Variants in ZNF804A observed in about 807,000 individuals in gnomAD.
The protein encoded by ZNF804A is zinc finger protein 804A.
Under a neutral mutation model 16.5 loss-of-function variants are expected in ZNF804A, and 2 were observed. That is an observed-to-expected ratio of 0.12 (90% CI 0.05 to 0.38). The LOEUF (loss-of-function observed/expected upper bound fraction) is 0.38, where lower values mean the gene tolerates loss of function less well. Ranked by LOEUF, ZNF804A falls within the 10% of genes least tolerant of loss-of-function variation. ZNF804A has a pLI of 0.99. For synonymous variants in ZNF804A, 534 were observed against 489.6 expected, an observed-to-expected ratio of 1.09 and a Z score of -1.20; for missense variants, 1,473 against 1,390.7, an observed-to-expected ratio of 1.06 and a Z score of -0.94.
chr2:184,605,310 T>C (rs1388687952), intron 1 of ZNF804A, among the ~76,000 whole-genome samples: 1 of 152,148 alleles, frequency 6.6e-6, no homozygotes, highest in Non-Finnish European at 1.5e-5. Context: ...ATTTTTATAT[T>C]GCTAACCACA....
intron 1 of ZNF804A, among the ~76,000 whole-genome samples, chr2:184,807,200 A>G (rs563328023): frequency 2.0e-5 from 3 of 151,922 alleles, no homozygotes; most frequent in Non-Finnish European, 4.4e-5. Flanking sequence ...CTGTAAAAAT[A>G]GAATGCTAGA....
At chr2:184,612,420 A>G (rs968332066) in intron 1 of ZNF804A, among the ~76,000 whole-genome samples, 11 of 151,658 alleles carry the variant, frequency 7.3e-5, no homozygotes, top group Non-Finnish European at 1.6e-4. Flanking sequence ...TTATTGGTTC[A>G]ACATGAAAGA....
At chr2:184,919,947 T>C (rs976329491) in intron 2 of ZNF804A, among the ~76,000 whole-genome samples, 3 of 152,094 alleles carry the variant, frequency 2.0e-5, no homozygotes, top group Non-Finnish European at 2.9e-5. Context: ...GAAATCCATC[T>C]CTACTAATAA....
intron 1 of ZNF804A, among the ~76,000 whole-genome samples, chr2:184,739,764 A>G (rs1291020419): frequency 6.6e-6 from 1 of 152,114 alleles, no homozygotes. Context: ...CAACCACTCA[A>G]TGTCCCAATA....
intron 1 of ZNF804A, among the ~76,000 whole-genome samples, chr2:184,624,792 A>G (rs930673261): frequency 6.6e-6 from 1 of 152,180 alleles, no homozygotes; most frequent in Non-Finnish European, 1.5e-5. Context: ...TGATTTCTGT[A>G]TAGTTTTGAA....
At position 184,938,229 on chromosome 2, in the gene ZNF804A, C is replaced by T. The variant is rs757345480; in HGVS notation, c.2833C>T (p.Leu945Phe). Residue 945 changes from leucine (L) to phenylalanine (F), a missense_variant, in exon 4 of 4, where the codon CTT becomes TTT. Leu to Phe is a conservative substitution (Grantham distance 22). Transcript: ENST00000302277. ...EHKERSENIN[L>F]NEKQIPFQVP... is the part of the protein sequence containing the mutation. ...CAAAGAAAGAAGTGAGAATATAAAT[C>T]TTAATGAAAAGCAAATTCCTTTTCA... is the stretch of plus-strand genomic sequence containing the variant. 2 of 1,613,950 alleles carry T rather than the reference C, an allele frequency of 1.2e-6. No individual in the cohort carries two copies. Among genetic ancestry groups the T allele is most frequent in the African/African-American group, 2.7e-5 (2 of 74,920 alleles).
intron 1 of ZNF804A, among the ~76,000 whole-genome samples, chr2:184,603,280 C>T (rs1287621377): frequency 6.6e-6 from 1 of 152,084 alleles, no homozygotes; most frequent in Non-Finnish European, 1.5e-5. Context: ...TTGGGCTGCT[C>T]TTGCTCATTT....
Position 184,938,741 on chromosome 2 carries a change from A to G in ZNF804A, c.3345A>G (p.Ala1115=), listed in dbSNP as rs768529706. Residue 1115 remains alanine, a synonymous_variant, in exon 4 of 4, where the codon GCA becomes GCG. Coordinates refer to ENST00000302277, the MANE Select transcript of ZNF804A (RefSeq NM_194250.2). ...QHAAAAAAAA[A]AAAAGTFKVL... is the part of the protein sequence containing the mutation. Reference sequence around the variant, plus strand: ...CTGCAGCTGCTGCAGCTGCAGCTGCAGCCGCAGCTGCAGGAACCTTTAAAG... The same window carrying G: ...CTGCAGCTGCTGCAGCTGCAGCTGCGGCCGCAGCTGCAGGAACCTTTAAAG... 6.2e-7 allele frequency: 1 copy of G among 1,608,128 alleles called. No homozygotes were observed. The highest frequency in any genetic ancestry group is 8.5e-7 in the Non-Finnish European group (1 of 1,177,206).
intron 1 of ZNF804A, among the ~76,000 whole-genome samples, chr2:184,697,604 G>A (rs1373316106): frequency 6.6e-6 from 1 of 151,956 alleles, no homozygotes; most frequent in Admixed American, 6.6e-5. Context: ...TATGAAGATT[G>A]AAAAAGCATT....
At chr2:184,632,773 G>A (rs1054025416) in intron 1 of ZNF804A, among the ~76,000 whole-genome samples, 1 of 152,234 alleles carries the variant, frequency 6.6e-6, no homozygotes, top group Non-Finnish European at 1.5e-5. Context: ...TTTTGTTGGG[G>A]TAGAAGAAGG....
intron 1 of ZNF804A, among the ~76,000 whole-genome samples, chr2:184,617,166 A>G (rs1292123597): frequency 1.3e-5 from 2 of 152,126 alleles, no homozygotes; most frequent in African/African-American, 4.8e-5. Flanking sequence ...ATTTAATAGA[A>G]TCTAACATCT....
At chr2:184,851,240 T>C (rs1013555271) in intron 1 of ZNF804A, among the ~76,000 whole-genome samples, 1 of 151,862 alleles carries the variant, frequency 6.6e-6, no homozygotes, top group Non-Finnish European at 1.5e-5. Context: ...ATGCAATACA[T>C]TGTTATTAAG....
intron 1 of ZNF804A, among the ~76,000 whole-genome samples, chr2:184,639,190 C>G (rs1378075314): frequency 3.4e-5 from 5 of 149,124 alleles, no homozygotes; most frequent in African/African-American, 1.2e-4. Flanking sequence ...TCTCTTGCTT[C>G]AGCCTCCCAA....
At chr2:184,751,434 A>G (rs559254766) in intron 1 of ZNF804A, among the ~76,000 whole-genome samples, 1 of 151,672 alleles carries the variant, frequency 6.6e-6, no homozygotes, top group African/African-American at 2.4e-5. Context: ...ACATAGGGTA[A>G]GAGTTCTGGG....
intron 2 of ZNF804A, among the ~76,000 whole-genome samples, chr2:184,889,979 C>A (rs1443650036): frequency 6.6e-6 from 1 of 151,900 alleles, no homozygotes; most frequent in East Asian, 1.9e-4. Context: ...AAAATATTGC[C>A]CATTTACTTA....
Position 184,938,837 on chromosome 2 carries a change from A to G in ZNF804A, c.3441A>G (p.Ser1147=), listed in dbSNP as rs1482922095. Residue 1147 remains serine, a synonymous_variant, in exon 4 of 4, where the codon TCA becomes TCG. Transcript: ENST00000302277. ...CCAGAACCTCATTACCTCAGCTCTC[A>G]GTAGGACCAGTAGGACCGAGGCTTT... ...ALTRTSLPQL[S]VGPVGPRLCP... The G allele has an allele frequency of 2.5e-6, 4 of 1,613,972 alleles. No individual in the cohort carries two copies. Among genetic ancestry groups the G allele is most frequent in the Non-Finnish European group, 3.4e-6 (4 of 1,179,986 alleles).
chr2:184,877,346 G>A (rs937390787), intron 2 of ZNF804A, among the ~76,000 whole-genome samples: 1 of 151,868 alleles, frequency 6.6e-6, no homozygotes, highest in Non-Finnish European at 1.5e-5. Flanking sequence ...ATTATTCTTA[G>A]TAAGTTCAAA....
At chr2:184,708,134 T>A (rs115861966) in intron 1 of ZNF804A, among the ~76,000 whole-genome samples, 2,530 of 152,226 alleles carry the variant, frequency 0.017, 83 homozygotes, top group African/African-American at 0.058. Context: ...TCAATTTTTT[T>A]AAAATGCTTG....
chr2:184,771,164 A>C (rs1047756596), intron 1 of ZNF804A, among the ~76,000 whole-genome samples: 1 of 152,112 alleles, frequency 6.6e-6, no homozygotes, highest in African/African-American at 2.4e-5. Context: ...AAAAATATTT[A>C]CATTCTTTGA....
Sources: allele counts gnomAD v4.1 joint callset (sites outside exome capture counted in the v4.1 genomes callset), GRCh38; gene constraint gnomAD v4.1.1; transcripts MANE v1.5; gene names NCBI Gene and HGNC (gene_info 2026-07-23, HGNC 2026-07-21).